The following PBX4 variants were observed in gnomAD, a reference collection of about 807,000 sequenced individuals.
PBX4 encodes the protein pre-B-cell leukemia transcription factor 4.
In PBX4, 26 loss-of-function variants were observed where a neutral mutation model predicts 35.1. That is an observed-to-expected ratio of 0.74 (90% confidence interval 0.54 to 1.03). The LOEUF (loss-of-function observed/expected upper bound fraction) is 1.03. Ranked by LOEUF, PBX4 falls within the 50% of genes least tolerant of loss-of-function variation. The probability of loss-of-function intolerance (pLI) is 0.00; values close to 1 mark genes in which losing one functional copy is unlikely to be tolerated. For missense variants in PBX4, 448 were observed against 504.3 expected, an observed-to-expected ratio of 0.89 and a Z score of 1.07; for synonymous variants, 199 against 204.2, an observed-to-expected ratio of 0.97 and a Z score of 0.22.
intron 2 of PBX4, among the ~76,000 whole-genome samples, chr19:19,592,050 G>A (rs2061531707): frequency 1.3e-5 from 2 of 151,924 alleles, no homozygotes; most frequent in Non-Finnish European, 2.9e-5. Context: ...TAGTAGAGAT[G>A]GGTGGGTGAG....
intron 2 of PBX4, among the ~76,000 whole-genome samples, chr19:19,589,114 G>A (rs1040643823): frequency 6.6e-6 from 1 of 152,024 alleles, no homozygotes; most frequent in Non-Finnish European, 1.5e-5. Context: ...ATGACAGAGC[G>A]AGATCTTGAC....
At chr19:19,592,184 A>G (rs898057374) in intron 2 of PBX4, among the ~76,000 whole-genome samples, 2 of 152,128 alleles carry the variant, frequency 1.3e-5, no homozygotes, top group African/African-American at 4.8e-5. Context: ...TACCTGGCCA[A>G]CGTGACACAT....
chr19:19,578,666 A>C (rs949443705), intron 2 of PBX4, among the ~76,000 whole-genome samples: 1 of 152,216 alleles, frequency 6.6e-6, no homozygotes, highest in African/African-American at 2.4e-5. Context: ...CAGAAACTCC[A>C]GTAAATCAAA....
At chr19:19,603,180 A>G (rs2061608283) in intron 1 of PBX4, among the ~76,000 whole-genome samples, 1 of 152,066 alleles carries the variant, frequency 6.6e-6, no homozygotes, top group Non-Finnish European at 1.5e-5. Context: ...CCTCCTCTGG[A>G]GCTGTAAGTA....
intron 2 of PBX4, among the ~76,000 whole-genome samples, chr19:19,584,476 C>T (rs1292709023): frequency 1.3e-5 from 2 of 152,010 alleles, no homozygotes; most frequent in Admixed American, 6.6e-5. Context: ...CAAGGCATGA[C>T]GAAGAAGATG....
chr19:19,615,819 G>A (rs1287965932), intron 1 of PBX4, among the ~76,000 whole-genome samples: 1 of 152,140 alleles, frequency 6.6e-6, no homozygotes, highest in Admixed American at 6.5e-5. Context: ...GAACCCGGGA[G>A]GCAGAGGTTG....
intron 1 of PBX4, among the ~76,000 whole-genome samples, chr19:19,609,549 G>GAAAAA (rs11300224): frequency 2.4e-5 from 2 of 85,042 alleles, no homozygotes; most frequent in African/African-American, 9.4e-5. Context: ...AAATCCATAT[G>GAAAAA]AAAAAAAAAA....
chr19:19,569,182 C>T (rs1039830192), intron 5 of PBX4, among the ~76,000 whole-genome samples: 4 of 152,162 alleles, frequency 2.6e-5, no homozygotes, highest in African/African-American at 7.2e-5. Context: ...CCTCAGCATC[C>T]GAAGGAGCTG....
intron 2 of PBX4, among the ~76,000 whole-genome samples, chr19:19,574,675 C>T (rs1047040893): frequency 3.3e-5 from 5 of 151,682 alleles, no homozygotes; most frequent in African/African-American, 1.2e-4. Context: ...CTCTCTGTCG[C>T]CCAGGCTCAA....
At chr19:19,615,211 G>A (rs1483420989) in intron 1 of PBX4, among the ~76,000 whole-genome samples, 2 of 151,004 alleles carry the variant, frequency 1.3e-5, no homozygotes, top group Non-Finnish European at 2.9e-5. Flanking sequence ...GCCAGGCGTG[G>A]TGGCACAGGC....
chr19:19,586,161 C>G (rs34424437), intron 2 of PBX4, among the ~76,000 whole-genome samples: 1 of 151,940 alleles, frequency 6.6e-6, no homozygotes, highest in Admixed American at 6.6e-5. Context: ...TGCCTGTAAT[C>G]CTAGCACTTT....
rs1034596970 is a variant in PBX4 at position 19,618,649 on chromosome 19, G to A, written c.-20C>T. ...GGCCATGAGCGGCAGGGCCGGGCGGGCGCTGTGAGGGTGCCGTCGAGCCTG... is the reference window on the plus strand; with the variant it reads ...GGCCATGAGCGGCAGGGCCGGGCGGACGCTGTGAGGGTGCCGTCGAGCCTG... On this transcript the variant is annotated 5_prime_UTR_variant, in exon 1 of 8. Transcript: ENST00000251203. 3.3e-6 allele frequency: 4 copies of A among 1,207,014 alleles called. No homozygotes were observed. The African/African-American group carries it at 4.8e-5, about 14-fold the overall frequency. 74.8% of individuals were successfully genotyped at this position (1,207,014 alleles called of 1,614,324 possible). A position where few individuals can be genotyped will look rare whatever the true frequency, so the allele number is the denominator to read the frequency against.
At chr19:19,593,600 T>C (rs1360493541) in intron 2 of PBX4, among the ~76,000 whole-genome samples, 2 of 152,194 alleles carry the variant, frequency 1.3e-5, no homozygotes, top group South Asian at 2.1e-4. Flanking sequence ...TATAAAAAGA[T>C]ACCTGGACAC....
intron 2 of PBX4, among the ~76,000 whole-genome samples, chr19:19,598,695 G>C (rs1318786454): frequency 6.6e-6 from 1 of 152,108 alleles, no homozygotes; most frequent in Non-Finnish European, 1.5e-5. Context: ...CTAGAATGCA[G>C]CTGCTTGTTA....
chr19:19,576,336 C>T (rs1028070238), intron 2 of PBX4, among the ~76,000 whole-genome samples: 2 of 152,180 alleles, frequency 1.3e-5, no homozygotes, highest in African/African-American at 4.8e-5. Flanking sequence ...AGCAATTCTC[C>T]TGCCTCAGCC....
chr19:19,576,629 T>C (rs930401112), intron 2 of PBX4, among the ~76,000 whole-genome samples: 4 of 152,056 alleles, frequency 2.6e-5, no homozygotes, highest in Admixed American at 1.3e-4. Flanking sequence ...TTTTATTGTA[T>C]TTATTATTTT....
rs187957577 is a variant in PBX4 at position 19,607,086 on chromosome 19, C to T, written c.120-7721G>A. Among the ~76,000 whole-genome samples the T allele has an allele frequency of 1.2e-3, 184 of 152,240 alleles. 1 individual carries two copies. The highest frequency in any genetic ancestry group is 3.9e-3 in the African/African-American group (161 of 41,568). ...TGTTTGTTTTTGAGACAGAGTCTTG[C>T]TCTGTTGCCCAGGCTGGAATGCAGT... On this transcript the variant is annotated intron_variant, in intron 1 of 7. Coordinates refer to ENST00000251203, the MANE Select transcript of PBX4 (RefSeq NM_025245.3).
At chr19:19,592,510 G>A (rs769237231) in intron 2 of PBX4, among the ~76,000 whole-genome samples, 1 of 152,136 alleles carries the variant, frequency 6.6e-6, no homozygotes, top group Non-Finnish European at 1.5e-5. Flanking sequence ...GCATACCTCC[G>A]ACAGGCCATT....
At position 19,569,514 on chromosome 19, in the gene PBX4, T is replaced by A; in HGVS notation, c.703A>T (p.Asn235Tyr). The A allele has an allele frequency of 6.2e-7, 1 of 1,613,956 alleles. No individual in the cohort carries two copies. The highest frequency in any genetic ancestry group is 8.5e-7 in the Non-Finnish European group (1 of 1,179,902). Residue 235 changes from asparagine (N) to tyrosine (Y), a missense_variant, in exon 5 of 8, where the codon AAC becomes TAC. Transcript: ENST00000251203. ...TTGGCTTCTTCGCTGGGGTAAGGGTTGTTCAGATGGGAGTAAAAATACTCA... is the reference window on the plus strand; with the variant it reads ...TTGGCTTCTTCGCTGGGGTAAGGGTAGTTCAGATGGGAGTAAAAATACTCA... ...LNEYFYSHLN[N>Y]PYPSEEAKEE...
Sources: allele counts gnomAD v4.1 joint callset (sites outside exome capture counted in the v4.1 genomes callset), GRCh38; gene constraint gnomAD v4.1.1; transcripts MANE v1.5; gene names NCBI Gene and HGNC (gene_info 2026-07-23, HGNC 2026-07-21).